Variants in ZNF717 observed in about 807,000 individuals in gnomAD.
ZNF717 encodes the protein zinc finger protein 717, also known as krueppel-like factor X17.
Under a neutral mutation model 13.8 loss-of-function variants are expected in ZNF717, and 9 were observed. The ratio of observed to expected loss-of-function variants is 0.65; its 90% CI spans 0.39 to 1.14. ZNF717 has a LOEUF of 1.14. ZNF717 is among the 50% of genes most tolerant of loss of function. The pLI, the probability that ZNF717 is intolerant of heterozygous loss-of-function variation, is 0.01. For synonymous variants in ZNF717, 327 were observed against 364.1 expected, an observed-to-expected ratio of 0.90 and a Z score of 1.16; for missense variants, 1,040 against 1,080.7, an observed-to-expected ratio of 0.96 and a Z score of 0.53.
At chr3:75,769,381 C>T (rs917605494) in intron 2 of ZNF717, among the ~76,000 whole-genome samples, 6 of 151,990 alleles carry the variant, frequency 3.9e-5, no homozygotes, top group Non-Finnish European at 7.3e-5. Context: ...GCCTGCTCCA[C>T]GTCCCCAGCC....
At chr3:75,747,805 A>G (rs1319764667) in intron 2 of ZNF717, among the ~76,000 whole-genome samples, 1 of 152,190 alleles carries the variant, frequency 6.6e-6, no homozygotes, top group Non-Finnish European at 1.5e-5. Flanking sequence ...GTCATCTGCA[A>G]ACAGGGACAA....
chr3:75,720,861 C>A (rs1938154249), intron 4 of ZNF717, among the ~76,000 whole-genome samples: 1 of 152,142 alleles, frequency 6.6e-6, no homozygotes, highest in Non-Finnish European at 1.5e-5. Flanking sequence ...AAATAAAAAG[C>A]AATCGCCTTT....
chr3:75,697,070 A>G (rs1937612169), intron 6 of ZNF717, among the ~76,000 whole-genome samples: 2 of 152,312 alleles, frequency 1.3e-5, no homozygotes, highest in South Asian at 4.1e-4. Flanking sequence ...AACAGCTAGT[A>G]TCATACTAAG....
intron 4 of ZNF717, among the ~76,000 whole-genome samples, chr3:75,723,598 C>A (rs1182025678): frequency 6.6e-6 from 1 of 152,162 alleles, no homozygotes; most frequent in Non-Finnish European, 1.5e-5. Flanking sequence ...TAGGAAAAAC[C>A]AGTCCATACA....
chr3:75,700,849 T>C (rs1405717439), intron 6 of ZNF717, among the ~76,000 whole-genome samples: 13 of 152,208 alleles, frequency 8.5e-5, no homozygotes, highest in Admixed American at 3.9e-4. Context: ...CAAGAAAACA[T>C]TGGAGAAACT....
At chr3:75,781,619 C>A (rs986013136) in intron 2 of ZNF717, among the ~76,000 whole-genome samples, 4 of 152,306 alleles carry the variant, frequency 2.6e-5, no homozygotes, top group Admixed American at 1.3e-4. Flanking sequence ...CGGACAAACT[C>A]CATTTGGCTC....
At position 75,772,544 on chromosome 3, in the gene ZNF717, C is replaced by T. The variant is rs569249105; in HGVS notation, c.57+10762G>A. Among the ~76,000 whole-genome samples, 3 of 152,356 alleles carry T rather than the reference C, an allele frequency of 2.0e-5. No homozygotes were observed. The East Asian group carries it at 5.8e-4, about 29-fold the overall frequency. ...CATTCCCTGATACCCACAGTGGAAG[C>T]TGTCTGCAGTCAGCCTGGTCCAGCT... On this transcript the variant is annotated intron_variant, in intron 2 of 4. Transcript: ENST00000652011.
chr3:75,707,861 C>T (rs1289882576), downstream of ZNF717, among the ~76,000 whole-genome samples: 140 of 152,358 alleles, frequency 9.2e-4, 2 homozygotes, highest in Middle Eastern at 6.8e-3. Flanking sequence ...GCTAGCACAG[C>T]AGTCTGAGGT....
intron 2 of ZNF717, among the ~76,000 whole-genome samples, chr3:75,780,983 A>T (rs1944771473): frequency 1.3e-5 from 2 of 152,258 alleles, no homozygotes; most frequent in Admixed American, 1.3e-4. Flanking sequence ...TTCTAAAGCA[A>T]GTAAGTACAT....
downstream of ZNF717, among the ~76,000 whole-genome samples, chr3:75,729,782 T>A (rs1260426143): frequency 6.6e-6 from 1 of 152,218 alleles, no homozygotes; most frequent in Non-Finnish European, 1.5e-5. Flanking sequence ...AGCCATCTTA[T>A]TTAGGAACCA....
At chr3:75,725,385 T>C (rs1332993065), downstream of ZNF717, among the ~76,000 whole-genome samples, 2 of 152,126 alleles carry the variant, frequency 1.3e-5, no homozygotes, top group Non-Finnish European at 2.9e-5. Flanking sequence ...ATCTAACCAC[T>C]TTTTCCCACA....
chr3:75,728,359 T>C (rs1332728356), downstream of ZNF717, among the ~76,000 whole-genome samples: 2 of 152,018 alleles, frequency 1.3e-5, no homozygotes, highest in Non-Finnish European at 2.9e-5. Flanking sequence ...GACAGGTCTA[T>C]GCTTTTCTTC....
intron 4 of ZNF717, among the ~76,000 whole-genome samples, chr3:75,739,972 C>A (rs1161601055): frequency 6.6e-6 from 1 of 152,220 alleles, no homozygotes. Flanking sequence ...TTAAACATGA[C>A]ATCCCCTGCT....
chr3:75,764,334 A>G (rs1275347881), intron 2 of ZNF717, among the ~76,000 whole-genome samples: 2 of 152,188 alleles, frequency 1.3e-5, no homozygotes, highest in Admixed American at 6.5e-5. Context: ...CCCAGGCCTC[A>G]GTAGCAGTGG....
chr3:75,755,087 T>C (rs1387738239), intron 2 of ZNF717, among the ~76,000 whole-genome samples: 1 of 152,178 alleles, frequency 6.6e-6, no homozygotes, highest in Non-Finnish European at 1.5e-5. Context: ...TAAGTTTCTG[T>C]ACCCACTGAA....
intron 2 of ZNF717, among the ~76,000 whole-genome samples, chr3:75,769,866 G>T (rs185656456): frequency 6.6e-6 from 1 of 152,120 alleles, no homozygotes; most frequent in African/African-American, 2.4e-5. Flanking sequence ...CTGAAAACAT[G>T]ACAGAAATGT....
intron 2 of ZNF717, among the ~76,000 whole-genome samples, chr3:75,765,010 T>C (rs961156551): frequency 7.3e-5 from 2 of 27,546 alleles, no homozygotes; most frequent in Non-Finnish European, 2.1e-4. Flanking sequence ...TATATATATA[T>C]ATATATATAT....
intron 2 of ZNF717, among the ~76,000 whole-genome samples, chr3:75,779,993 T>C (rs189553468): frequency 0.011 from 1,569 of 146,984 alleles, 36 homozygotes; most frequent in African/African-American, 0.038. Context: ...GGGAGTGACT[T>C]GCTAAAACCA....
intron 2 of ZNF717, among the ~76,000 whole-genome samples, chr3:75,746,888 T>C (rs1575809288): frequency 6.6e-6 from 1 of 152,234 alleles, no homozygotes; most frequent in African/African-American, 2.4e-5. Flanking sequence ...TTTGTCAATT[T>C]TGGCTTTTGT....
Sources: allele counts gnomAD v4.1 joint callset (sites outside exome capture counted in the v4.1 genomes callset), GRCh38; gene constraint gnomAD v4.1.1; transcripts MANE v1.5; gene names NCBI Gene and HGNC (gene_info 2026-07-23, HGNC 2026-07-21).